RUNX1: variants seen among roughly 807,000 people sequenced by gnomAD.
The protein encoded by RUNX1 is runt-related transcription factor 1.
RUNX1 carries 19 observed loss-of-function variants against 42.8 expected under a neutral mutation model. The ratio of observed to expected loss-of-function variants is 0.44; its 90% CI spans 0.31 to 0.65. RUNX1 has a LOEUF of 0.65. RUNX1 is among the 30% of genes least tolerant of loss of function. RUNX1 has a pLI of 0.07. For synonymous variants in RUNX1, 271 were observed against 289.4 expected, an observed-to-expected ratio of 0.94 and a Z score of 0.64; for missense variants, 528 against 672.0, an observed-to-expected ratio of 0.79 and a Z score of 2.37.
chr21:34,925,659 G>A (rs774582050), intron 2 of RUNX1, among the ~76,000 whole-genome samples: 3 of 152,170 alleles, frequency 2.0e-5, no homozygotes, highest in Non-Finnish European at 4.4e-5. Context: ...AAGTTTTGAG[G>A]CAATAAATTT....
intron 2 of RUNX1, among the ~76,000 whole-genome samples, chr21:34,996,600 A>T (rs1040105264): frequency 2.0e-5 from 3 of 150,708 alleles, no homozygotes; most frequent in African/African-American, 7.3e-5. Context: ...TCGACATTTT[A>T]AAAATATTAG....
At chr21:34,834,018 C>T (rs949175229) in intron 7 of RUNX1, 28 of 357,352 alleles carry the variant, frequency 7.8e-5, no homozygotes, top group Admixed American at 1.5e-4. Flanking sequence ...CTTTGCTTGA[C>T]GTGTGTGTGT....
intron 2 of RUNX1, among the ~76,000 whole-genome samples, chr21:34,967,976 C>T (rs1328192240): frequency 2.0e-5 from 3 of 152,158 alleles, no homozygotes; most frequent in African/African-American, 7.2e-5. Flanking sequence ...CCCCACTTCC[C>T]AGTGCCTTAA....
At chr21:34,882,156 T>G (rs2057914361) in intron 4 of RUNX1, among the ~76,000 whole-genome samples, 1 of 152,218 alleles carries the variant, frequency 6.6e-6, no homozygotes, top group Non-Finnish European at 1.5e-5. Context: ...GGCCTCTTTT[T>G]CTATATGTAA....
chr21:34,920,038 T>G (rs373201036), intron 2 of RUNX1, among the ~76,000 whole-genome samples: 35 of 152,338 alleles, frequency 2.3e-4, no homozygotes, highest in African/African-American at 8.2e-4. Context: ...CAGGTGCAGA[T>G]AGAAACACTG....
chr21:34,966,236 C>A (rs956988821), intron 2 of RUNX1, among the ~76,000 whole-genome samples: 22 of 152,222 alleles, frequency 1.4e-4, no homozygotes, highest in Non-Finnish European at 5.9e-5. Context: ...TTATCTAAGT[C>A]CAAACGTTGT....
At chr21:34,851,848 T>C (rs77513573) in intron 6 of RUNX1, among the ~76,000 whole-genome samples, 2,853 of 152,310 alleles carry the variant, frequency 0.019, 97 homozygotes, top group African/African-American at 0.065. Context: ...TTTCTTTCTA[T>C]AGCAATACAA....
chr21:34,895,586 G>A (rs527892379), intron 2 of RUNX1, among the ~76,000 whole-genome samples: 10 of 152,246 alleles, frequency 6.6e-5, no homozygotes, highest in African/African-American at 2.4e-4. Flanking sequence ...AGGGGTTTAG[G>A]GAGGTGACGG....
chr21:34,792,492 C>T lies in RUNX1; in HGVS notation c.1086G>A (p.Ser362=). The T allele has an allele frequency of 1.9e-6, 3 of 1,594,828 alleles. No homozygotes were observed. Among genetic ancestry groups the T allele is most frequent in the East Asian group, 4.6e-5 (2 of 43,892 alleles). Residue 362 remains serine, a synonymous_variant, in exon 9 of 9, where the codon TCG becomes TCA. Coordinates refer to ENST00000675419, the MANE Select transcript of RUNX1 (RefSeq NM_001754.5). This position sits in a 1 kb window ranked among gnomAD's most constrained non-coding sequence, Gnocchi z 6.9. ...TGGCCGACATGCCGATGCCGATGCC[C>T]GAGGTGACCGGCGTCGGGGAGTAGG... ...AFTYSPTPVT[S]GIGIGMSAMG...
intron 2 of RUNX1, among the ~76,000 whole-genome samples, chr21:34,919,554 A>T (rs1354905104): frequency 6.6e-6 from 1 of 151,588 alleles, no homozygotes; most frequent in Non-Finnish European, 1.5e-5. Flanking sequence ...GGCTTCACTC[A>T]CTCCTTAGTG....
intron 7 of RUNX1, among the ~76,000 whole-genome samples, chr21:34,819,305 G>A (rs185097752): frequency 6.2e-4 from 95 of 152,290 alleles, no homozygotes; most frequent in African/African-American, 2.2e-3. Context: ...TCGAGCCCCC[G>A]GGAGTGTGGT....
At chr21:34,894,535 G>C (rs1243880009) in intron 2 of RUNX1, among the ~76,000 whole-genome samples, 1 of 152,122 alleles carries the variant, frequency 6.6e-6, no homozygotes, top group East Asian at 1.9e-4. Flanking sequence ...AGGTGAAGTA[G>C]CACCTGTGGA....
In RUNX1 at chr21:34,859,593, T is replaced by C. The variant is rs2057542963; in HGVS notation, c.509-15A>G. On this transcript the variant is annotated splice_polypyrimidine_tract_variant and intron_variant, in intron 5 of 8. Coordinates refer to ENST00000675419, the MANE Select transcript of RUNX1 (RefSeq NM_001754.5). ...GAAGCTTTTCCCTGTGGGGACACGA[T>C]AGAGAACAAAACAGAATGAGGTTGG... The C allele has an allele frequency of 6.3e-7, 1 of 1,596,876 alleles. No individual in the cohort carries two copies. The highest frequency in any genetic ancestry group is 8.6e-7 in the Non-Finnish European group (1 of 1,164,260).
At position 34,841,245 on chromosome 21, in the gene RUNX1, A is replaced by G. The variant is rs78017452; in HGVS notation, c.614-6644T>C. 5.9e-3 allele frequency among the ~76,000 whole-genome samples: 892 copies of G among 152,198 alleles called. 11 individuals are homozygous for G. Among genetic ancestry groups the G allele is most frequent in the Non-Finnish European group, 8.6e-3 (585 of 67,990 alleles). On this transcript the variant is annotated intron_variant, in intron 6 of 8. Transcript: ENST00000675419. ...TAGCTCATGCCCCTAAGCCTCTTAG[A>G]GGTGGATGAATCCTGGCAAGTCCCC...
intron 6 of RUNX1, among the ~76,000 whole-genome samples, chr21:34,844,465 G>A (rs961896023): frequency 1.3e-4 from 20 of 152,246 alleles, no homozygotes; most frequent in Admixed American, 7.8e-4. Flanking sequence ...TTCCCCTCCC[G>A]CAGCAGCAGA....
At chr21:34,915,638 G>A (rs1413002832) in intron 2 of RUNX1, among the ~76,000 whole-genome samples, 1 of 152,184 alleles carries the variant, frequency 6.6e-6, no homozygotes, top group Non-Finnish European at 1.5e-5. Context: ...CTTTGATCAT[G>A]TATTTTAACA....
At chr21:34,924,326 T>C (rs1253193352) in intron 2 of RUNX1, among the ~76,000 whole-genome samples, 1 of 152,232 alleles carries the variant, frequency 6.6e-6, no homozygotes, top group Non-Finnish European at 1.5e-5. Context: ...CACAGTCTCT[T>C]TCCTTAAGGT....
intron 2 of RUNX1, among the ~76,000 whole-genome samples, chr21:35,047,349 G>A (rs1319591367): frequency 2.6e-5 from 4 of 151,916 alleles, no homozygotes; most frequent in Non-Finnish European, 5.9e-5. Flanking sequence ...CCAACCAAAC[G>A]ACGCTGCAAG....
At chr21:34,824,191 C>T (rs1287567950) in intron 7 of RUNX1, among the ~76,000 whole-genome samples, 1 of 152,080 alleles carries the variant, frequency 6.6e-6, no homozygotes, top group African/African-American at 2.4e-5. Flanking sequence ...CTATTCCATG[C>T]CATTTAGGGG....
Sources: gnomAD v4.1 joint callset for allele counts (sites outside exome capture counted in the v4.1 genomes callset) on GRCh38, gnomAD v4.1.1 for gene constraint, Gnocchi (gnomAD v3.1) non-coding constraint, MANE v1.5 for transcripts, NCBI Gene and HGNC (gene_info 2026-07-23, HGNC 2026-07-21) for gene names.